The following IL7R variants were observed in gnomAD, a reference collection of about 807,000 sequenced individuals.
IL7R encodes interleukin-7 receptor subunit alpha.
In IL7R, 38 loss-of-function variants were observed where a neutral mutation model predicts 47.0. The ratio of observed to expected loss-of-function variants is 0.81; its 90% confidence interval spans 0.62 to 1.06. The LOEUF (loss-of-function observed/expected upper bound fraction) is 1.06. IL7R is among the 50% of genes least tolerant of loss of function. IL7R has a pLI of 0.00. For missense variants in IL7R, 633 were observed against 534.8 expected (o/e 1.18, Z -1.81); for synonymous variants, 221 against 199.8 (o/e 1.11, Z -0.89).
intron 1 of IL7R, among the ~76,000 whole-genome samples, chr5:35,858,440 T>C (rs893347351): frequency 6.6e-6 from 1 of 152,172 alleles, no homozygotes; most frequent in African/African-American, 2.4e-5. Flanking sequence ...CTCCATTCAG[T>C]AGGAAGAAGA....
Position 35,875,495 on chromosome 5 carries a change from A to G in IL7R, c.801-17A>G, listed in dbSNP as rs199952483. On this transcript the variant is annotated splice_polypyrimidine_tract_variant and intron_variant, in intron 6 of 7. Coordinates refer to ENST00000303115, the MANE Select transcript of IL7R (RefSeq NM_002185.5). ...CCTCTGCCATTCACTTCATCTATCA[A>G]TGTTCTCTGATTTCAGGATTAAGCC... 7 of 1,577,738 alleles carry G rather than the reference A, an allele frequency of 4.4e-6. No homozygotes were observed. The East Asian group carries it at 1.3e-4, about 30-fold the overall frequency.
chr5:35,874,268 A>T (rs999710585), intron 5 of IL7R, among the ~76,000 whole-genome samples, 181 bp from the exon 6 acceptor site: 1 of 152,200 alleles, frequency 6.6e-6, no homozygotes, highest in Non-Finnish European at 1.5e-5. Context: ...TGGTCACCCA[A>T]GTCAATGCCT....
In IL7R at chr5:35,871,311, T is replaced by G. The variant is rs547622474; in HGVS notation, c.537+98T>G. 8 of 1,005,220 alleles carry G rather than the reference T, an allele frequency of 8.0e-6. No individual in the cohort carries two copies. In the East Asian group the frequency reaches 1.8e-4, roughly 23 times the overall value. 62.3% of individuals were successfully genotyped at this position (1,005,220 alleles called of 1,614,324 possible). On this transcript the variant is annotated intron_variant, in intron 4 of 7. Coordinates refer to ENST00000303115, the MANE Select transcript of IL7R (RefSeq NM_002185.5). ...TTCCCCTGGGAGGGCCCAACAATTT[T>G]GCTTTCAAAATCTACCTTCTACTGA...
Position 35,873,475 on chromosome 5 carries a change from T to C in IL7R, c.538-5T>C. 6.2e-7 allele frequency: 1 copy of C among 1,613,330 alleles called. No homozygotes were observed. The highest frequency in any genetic ancestry group is 8.5e-7 in the Non-Finnish European group (1 of 1,179,322). On this transcript the variant is annotated splice_region_variant and splice_polypyrimidine_tract_variant and intron_variant, in intron 4 of 7. Coordinates refer to ENST00000303115, the MANE Select transcript of IL7R (RefSeq NM_002185.5). ...CTAAGAATGTAACTGCACTCTACTC[T>C]CTAGCATGTGAATTTATCCAGCACA...
chr5:35,874,586 C>T (rs199636381), intron 6 of IL7R, 44 bp downstream of exon 6: 47 of 1,380,878 alleles, frequency 3.4e-5, no homozygotes, highest in South Asian at 2.0e-4. Flanking sequence ...TGTGGGATCA[C>T]GGACAGTCAG....
chr5:35,872,053 C>G (rs1287027072), intron 4 of IL7R, among the ~76,000 whole-genome samples: 1 of 152,136 alleles, frequency 6.6e-6, no homozygotes, highest in Non-Finnish European at 1.5e-5. Flanking sequence ...CTTCTACTCA[C>G]CCACCCCACC....
At chr5:35,857,157 T>G in intron 1 of IL7R, 98 bp downstream of exon 1, 1 of 803,124 alleles carries the variant, frequency 1.2e-6, no homozygotes, top group Non-Finnish European at 2.2e-6. Context: ...GCACTGGGTT[T>G]GAATGCAGTT....
intron 3 of IL7R, among the ~76,000 whole-genome samples, chr5:35,870,031 A>T (rs564991355): frequency 6.6e-5 from 10 of 152,038 alleles, no homozygotes; most frequent in Non-Finnish European, 1.5e-4. Flanking sequence ...CCCAGCTCAC[A>T]CTCTACTGAG....
chr5:35,875,649 A>G, intron 7 of IL7R, 62 bp downstream of exon 7: 1 of 1,223,358 alleles, frequency 8.2e-7, no homozygotes, highest in Non-Finnish European at 1.2e-6. Context: ...CAAGAATGAT[A>G]TTCCAGGACA....
intron 3 of IL7R, among the ~76,000 whole-genome samples, chr5:35,870,672 A>T (rs1471508058): frequency 6.6e-6 from 1 of 152,164 alleles, no homozygotes; most frequent in Non-Finnish European, 1.5e-5. Flanking sequence ...GTCAAAATGG[A>T]TGTTTCTAAC....
Position 35,877,317 on chromosome 5 carries a change from G to T in IL7R, c.*831G>T. The T allele has an allele frequency of 4.3e-6, 1 of 233,194 alleles. No homozygotes were observed. The highest frequency in any genetic ancestry group is 6.0e-5 in the East Asian group (1 of 16,586). The allele number at this position is 233,194 out of a possible 1,614,324, so 14.4% of individuals were successfully genotyped here. A position where few individuals can be genotyped will look rare whatever the true frequency, so the allele number is the denominator to read the frequency against. On this transcript the variant is annotated 3_prime_UTR_variant, in exon 8 of 8. Coordinates refer to ENST00000303115, the MANE Select transcript of IL7R (RefSeq NM_002185.5). ...TGGCTATGAGAAAGAAAGAGGGGGAGAAACAGTCTTGCGGGTGTGAAGTCC... is the reference window on the plus strand; with the variant it reads ...TGGCTATGAGAAAGAAAGAGGGGGATAAACAGTCTTGCGGGTGTGAAGTCC...
chr5:35,866,284 G>A (rs1759937563), intron 2 of IL7R, among the ~76,000 whole-genome samples: 1 of 152,032 alleles, frequency 6.6e-6, no homozygotes, highest in Admixed American at 6.6e-5. Context: ...TTATAATTAT[G>A]TATTAAAATT....
intron 7 of IL7R, 24 bp downstream of exon 7, chr5:35,875,611 A>T: frequency 4.5e-6 from 7 of 1,564,064 alleles, no homozygotes; most frequent in Non-Finnish European, 6.2e-6. Context: ...GTGCTTAAAA[A>T]GTGTTGTGTT....
chr5:35,874,686 C>G, intron 6 of IL7R, 144 bp downstream of exon 6: 1 of 726,850 alleles, frequency 1.4e-6, no homozygotes, highest in Non-Finnish European at 2.5e-6. Flanking sequence ...CTATCCTCAG[C>G]GAATTTCCAC....
At chr5:35,874,251 CT>C (rs1760149570) in intron 5 of IL7R, among the ~76,000 whole-genome samples, 197 bp from the exon 6 acceptor site, 1 of 152,220 alleles carries the variant, frequency 6.6e-6, no homozygotes, top group African/African-American at 2.4e-5. Context: ...GGCAGATGCT[CT>C]GGGCCTGGTC....
At chr5:35,863,604 T>C (rs550916127) in intron 2 of IL7R, among the ~76,000 whole-genome samples, 31 of 152,176 alleles carry the variant, frequency 2.0e-4, no homozygotes, top group Non-Finnish European at 2.2e-4. Context: ...AATTCTTTCA[T>C]ATACGCAAAC....
Position 35,876,204 on chromosome 5 carries a change from C to T in IL7R, c.1098C>T (p.Ser366=), listed in dbSNP as rs2149905709. ...ITPESFGRDS[S]LTCLAGNVSA... is the part of the protein sequence containing the mutation. ...CAGAAAGCTTTGGAAGAGATTCATC[C>T]CTCACATGCCTGGCTGGGAATGTCA... Residue 366 remains serine (S), a synonymous_variant, in exon 8 of 8, where the codon TCC becomes TCT. Coordinates refer to ENST00000303115, the MANE Select transcript of IL7R (RefSeq NM_002185.5). 2.5e-6 allele frequency: 4 copies of T among 1,614,142 alleles called. No individual in the cohort carries two copies. Among genetic ancestry groups the T allele is most frequent in the Non-Finnish European group, 3.4e-6 (4 of 1,180,022 alleles).
chr5:35,878,123 T>C lies in IL7R; in HGVS notation c.*1637T>C, dbSNP rs1245283457. 4.3e-6 allele frequency: 1 copy of C among 233,192 alleles called. No individual in the cohort carries two copies. The highest frequency in any genetic ancestry group is 2.2e-5 in the African/African-American group (1 of 45,348). 14.4% of individuals were successfully genotyped at this position (233,192 alleles called of 1,614,324 possible). A position where few individuals can be genotyped will look rare whatever the true frequency, so the allele number is the denominator to read the frequency against. On this transcript the variant is annotated 3_prime_UTR_variant, in exon 8 of 8. Coordinates refer to ENST00000303115, the MANE Select transcript of IL7R (RefSeq NM_002185.5). ...TTTAACTGTGGATGAATGGACCTTATCTGTTGGCTTAAAGGACTGGTAAGA... is the reference window on the plus strand; with the variant it reads ...TTTAACTGTGGATGAATGGACCTTACCTGTTGGCTTAAAGGACTGGTAAGA...
intron 2 of IL7R, 88 bp downstream of exon 2, chr5:35,861,078 T>A: frequency 7.4e-7 from 1 of 1,351,224 alleles, no homozygotes; most frequent in Admixed American, 1.7e-5. Flanking sequence ...AGAAAGAATA[T>A]GTGGCCTAAT....
Sources: allele counts gnomAD v4.1 joint callset (sites outside exome capture counted in the v4.1 genomes callset), GRCh38; gene constraint gnomAD v4.1.1; transcripts MANE v1.5; gene names NCBI Gene and HGNC (gene_info 2026-07-23, HGNC 2026-07-21).